DGCR2: variants seen among roughly 807,000 people sequenced by gnomAD.
The protein encoded by DGCR2 is integral membrane protein DGCR2/IDD.
DGCR2 carries 24 observed loss-of-function variants against 51.6 expected under a neutral mutation model. The observed-to-expected ratio is 0.47, with a 90% CI of 0.34 to 0.65. The LOEUF is 0.65. Ranked by LOEUF, DGCR2 falls within the 30% of genes least tolerant of loss-of-function variation. The pLI is 0.01. For synonymous variants in DGCR2, 340 were observed against 315.4 expected, an observed-to-expected ratio of 1.08 and a Z score of -0.82; for missense variants, 765 against 772.1, an observed-to-expected ratio of 0.99 and a Z score of 0.11.
intron 6 of DGCR2, 148 bp downstream of exon 6, chr22:19,056,838 G>A (rs1187421054): frequency 8.1e-6 from 7 of 860,108 alleles, no homozygotes; most frequent in Non-Finnish European, 1.2e-5. Flanking sequence ...GCTGCAAATG[G>A]GCCCCAAGAA....
At position 19,038,426 on chromosome 22, in the gene DGCR2, C is replaced by T; in HGVS notation, c.*439G>A. On this transcript the variant is annotated 3_prime_UTR_variant, in exon 10 of 10. Transcript: ENST00000263196. ...TCCAGAGGCCCCCTCCTGAGGGCGG[C>T]CAGCAAGGGGCACTGTGGCAGCTCC... The T allele has an allele frequency of 5.9e-6, 1 of 168,898 alleles. No individual in the cohort carries two copies. The highest frequency in any genetic ancestry group is 1.3e-5 in the Non-Finnish European group (1 of 77,890). The allele number at this position is 168,898 out of a possible 1,614,324, so 10.5% of individuals were successfully genotyped here.
chr22:19,091,392 C>T (rs990609082), intron 1 of DGCR2, among the ~76,000 whole-genome samples: 1 of 152,050 alleles, frequency 6.6e-6, no homozygotes, highest in African/African-American at 2.4e-5. Context: ...ATTAATATCA[C>T]ACAAAGTAGA....
chr22:19,056,521 TC>T, intron 6 of DGCR2: 1 of 442,438 alleles, frequency 2.3e-6, no homozygotes, highest in Non-Finnish European at 4.1e-6. Flanking sequence ...GAGACCCCTG[TC>T]CCCCAAAAGC....
In DGCR2 at chr22:19,047,404, C is replaced by T. The variant is rs569970496; in HGVS notation, c.1006+1036G>A. On this transcript the variant is annotated intron_variant, in intron 7 of 9. Transcript: ENST00000263196. The stretch of plus-strand genomic sequence containing the variant: ...TAGCTGCAGCCTCTCCTCCACAGGG[C>T]CCCTAGAGACAGAGATGGCCATCAC... The T allele has an allele frequency of 7.2e-5, 11 of 152,364 alleles. No homozygotes were observed. In the East Asian group the frequency reaches 1.7e-3, roughly 24 times the overall value. 9.4% of individuals were successfully genotyped at this position (152,364 alleles called of 1,614,324 possible).
At chr22:19,118,870 G>A (rs1233646235) in intron 1 of DGCR2, among the ~76,000 whole-genome samples, 1 of 152,204 alleles carries the variant, frequency 6.6e-6, no homozygotes, top group African/African-American at 2.4e-5. Flanking sequence ...TGGAGAAAGG[G>A]CCAATGAGAC....
Position 19,063,279 on chromosome 22 carries a change from C to G in DGCR2, c.549-1G>C. 6.2e-7 allele frequency: 1 copy of G among 1,613,990 alleles called. No individual in the cohort carries two copies. Among genetic ancestry groups the G allele is most frequent in the Non-Finnish European group, 8.5e-7 (1 of 1,179,918 alleles). On this transcript the variant is annotated splice_acceptor_variant, in intron 4 of 9. Transcript: ENST00000263196. LOFTEE classifies it high-confidence loss of function. ...AACATACTGATAGCCAACCCACAACCTGCAGGGCACAGAGACAGAGACAGA... is the reference window on the plus strand; with the variant it reads ...AACATACTGATAGCCAACCCACAACGTGCAGGGCACAGAGACAGAGACAGA...
At chr22:19,071,525 C>A (rs767798011) in intron 2 of DGCR2, among the ~76,000 whole-genome samples, 2 of 151,844 alleles carry the variant, frequency 1.3e-5, no homozygotes, top group Non-Finnish European at 2.9e-5. Context: ...AAGAAAGAGA[C>A]AAGTCCAAAT....
intron 9 of DGCR2, 21 bp from the exon 10 acceptor site, chr22:19,039,142 G>T: frequency 6.2e-7 from 1 of 1,612,164 alleles, no homozygotes; most frequent in Non-Finnish European, 8.5e-7. Flanking sequence ...AGACAGAGGG[G>T]TGTCAGAGGC....
At chr22:19,069,531 T>G (rs997818195) in intron 2 of DGCR2, among the ~76,000 whole-genome samples, 1 of 152,222 alleles carries the variant, frequency 6.6e-6, no homozygotes, top group Non-Finnish European at 1.5e-5. Flanking sequence ...CACAAATCTT[T>G]AAGAATACTG....
intron 1 of DGCR2, among the ~76,000 whole-genome samples, chr22:19,107,277 T>C (rs2146043602): frequency 6.6e-6 from 1 of 152,228 alleles, no homozygotes; most frequent in South Asian, 2.1e-4. Flanking sequence ...TGGCCAGCTC[T>C]CCTGCAACAG....
chr22:19,107,889 C>T (rs536574953), intron 1 of DGCR2, among the ~76,000 whole-genome samples: 6 of 152,334 alleles, frequency 3.9e-5, no homozygotes, highest in South Asian at 2.1e-4. Flanking sequence ...CACAGGATAG[C>T]GCAGCCAATT....
Position 19,062,951 on chromosome 22 carries a change from G to A in DGCR2, c.625+251C>T, listed in dbSNP as rs948837160. ...GTCTTTAACTTCAAAAGGAGGCGGG[G>A]GACAATCTAGAAAGCTGGCCAAAGT... On this transcript the variant is annotated intron_variant, in intron 5 of 9. Coordinates refer to ENST00000263196, the MANE Select transcript of DGCR2 (RefSeq NM_005137.3). Among the ~76,000 whole-genome samples, 3 of 152,038 alleles carry A rather than the reference G, an allele frequency of 2.0e-5. No individual in the cohort carries two copies. In the South Asian group the frequency reaches 6.2e-4, roughly 32 times the overall value.
intron 5 of DGCR2, 100 bp downstream of exon 5, chr22:19,063,102 C>G (rs1371231040): frequency 8.5e-7 from 1 of 1,173,044 alleles, no homozygotes. Context: ...CACAGCACCC[C>G]TACGGGCCAG....
chr22:19,038,597 T>G lies in DGCR2; in HGVS notation c.*268A>C. On this transcript the variant is annotated 3_prime_UTR_variant, in exon 10 of 10. Transcript: ENST00000263196. Reference sequence around the variant, plus strand: ...TCTAACATGTGCGGTCTGAATGAATTTTGTCACTCTTCTGCCATTTATAAA... The same window carrying G: ...TCTAACATGTGCGGTCTGAATGAATGTTGTCACTCTTCTGCCATTTATAAA... The G allele has an allele frequency of 7.5e-6, 4 of 530,254 alleles. No individual in the cohort carries two copies. In the South Asian group the frequency reaches 9.8e-5, roughly 13 times the overall value. The allele number at this position is 530,254 out of a possible 1,614,324, so 32.8% of individuals were successfully genotyped here.
In DGCR2 at chr22:19,037,073, G is replaced by GC. The variant is rs950971501; in HGVS notation, c.*1791dup. On this transcript the variant is annotated 3_prime_UTR_variant, in exon 10 of 10. Transcript: ENST00000263196. ...TGCTGCTCTGGAACCTGGCTGCCCT[G>GC]CCCCAGTGCATGTGGGATCCACGGC... The GC allele has an allele frequency of 6.6e-6, 1 of 152,388 alleles. No homozygotes were observed. The highest frequency in any genetic ancestry group is 1.5e-5 in the Non-Finnish European group (1 of 68,202). 9.4% of individuals were successfully genotyped at this position (152,388 alleles called of 1,614,324 possible).
intron 2 of DGCR2, among the ~76,000 whole-genome samples, chr22:19,083,396 A>G (rs574341588): frequency 6.6e-6 from 1 of 152,114 alleles, no homozygotes; most frequent in Non-Finnish European, 1.5e-5. Context: ...CTCCCTCCTC[A>G]TTCCTCTTCT....
In DGCR2 at chr22:19,038,705, A is replaced by G; in HGVS notation, c.*160T>C. On this transcript the variant is annotated 3_prime_UTR_variant, in exon 10 of 10. Coordinates refer to ENST00000263196, the MANE Select transcript of DGCR2 (RefSeq NM_005137.3). The stretch of plus-strand genomic sequence containing the variant: ...GCAGGCCATCACTTCTTTTGGCAGA[A>G]GGCGGGCTGTGGTCTCTATGTACAC... 1 of 933,132 alleles carries G rather than the reference A, an allele frequency of 1.1e-6. No homozygotes were observed. 57.8% of individuals were successfully genotyped at this position (933,132 alleles called of 1,614,324 possible).
intron 5 of DGCR2, among the ~76,000 whole-genome samples, 170 bp downstream of exon 5, chr22:19,063,032 C>T (rs935168739): frequency 1.3e-5 from 2 of 152,194 alleles, no homozygotes; most frequent in African/African-American, 4.8e-5. Context: ...GCCTGATCTG[C>T]AGGCTGCACT....
At chr22:19,101,105 T>C (rs2083197359) in intron 1 of DGCR2, among the ~76,000 whole-genome samples, 1 of 151,996 alleles carries the variant, frequency 6.6e-6, no homozygotes, top group Non-Finnish European at 1.5e-5. Flanking sequence ...AGCGAAACCC[T>C]GTCTCAAAAA....
Sources: gnomAD v4.1 joint callset for allele counts (sites outside exome capture counted in the v4.1 genomes callset) on GRCh38, gnomAD v4.1.1 for gene constraint, MANE v1.5 for transcripts, NCBI Gene and HGNC (gene_info 2026-07-23, HGNC 2026-07-21) for gene names.